The following OSBP variants were observed in gnomAD, a reference collection of about 807,000 sequenced individuals.
The protein encoded by OSBP is oxysterol-binding protein 1.
A neutral mutation model predicts 96.6 loss-of-function variants in OSBP; 32 were observed. The ratio of observed to expected loss-of-function variants is 0.33; its 90% CI spans 0.25 to 0.45. OSBP has a LOEUF of 0.45. Among genes scored for constraint, OSBP ranks in the 20% least tolerant of loss-of-function variants. The pLI, the probability that OSBP is intolerant of heterozygous loss-of-function variation, is 1.00. For synonymous variants in OSBP, 369 were observed against 389.6 expected (o/e 0.95, Z 0.62); for missense variants, 653 against 1,029.7 (o/e 0.63, Z 5.01).
chr11:59,590,893 C>T (rs567370861), intron 9 of OSBP, among the ~76,000 whole-genome samples: 114 of 152,346 alleles, frequency 7.5e-4, no homozygotes, highest in South Asian at 1.7e-3. Context: ...AAATTCCATT[C>T]TTTAGATTTC....
chr11:59,581,592 TC>T (rs773775717), intron 9 of OSBP, 38 bp from the exon 10 acceptor site: 18 of 1,179,662 alleles, frequency 1.5e-5, no homozygotes, highest in Non-Finnish European at 2.5e-6. Flanking sequence ...AAGCCAAATG[TC>T]AGAAAAATAG....
chr11:59,611,207 A>T (rs760566858), intron 1 of OSBP, among the ~76,000 whole-genome samples: 17 of 152,154 alleles, frequency 1.1e-4, no homozygotes, highest in Non-Finnish European at 2.4e-4. Flanking sequence ...ACTACATGCA[A>T]TGTTAATTTA....
At chr11:59,593,547 G>A (rs1442110259) in intron 9 of OSBP, 57 bp downstream of exon 9, 36 of 1,600,268 alleles carry the variant, frequency 2.2e-5, no homozygotes, top group East Asian at 4.5e-5. Context: ...CTCCTCCATC[G>A]TGCCAGAAAA....
rs938867560 is a variant in OSBP at position 59,575,099 on chromosome 11, C to A, written c.*1478G>T. 1 of 152,240 alleles carries A rather than the reference C, an allele frequency of 6.6e-6. No homozygotes were observed. Among genetic ancestry groups the A allele is most frequent in the Non-Finnish European group, 1.5e-5 (1 of 68,098 alleles). 9.4% of individuals were successfully genotyped at this position (152,240 alleles called of 1,614,324 possible). A position where few individuals can be genotyped will look rare whatever the true frequency, so the allele number is the denominator to read the frequency against. On this transcript the variant is annotated 3_prime_UTR_variant, in exon 14 of 14. Coordinates refer to ENST00000263847, the MANE Select transcript of OSBP (RefSeq NM_002556.3). Reference sequence around the variant, plus strand: ...CAATTATCTGATCCACCCCACATGACGGTGCTTTAAGCCCCACATCCTAGG... The same window carrying A: ...CAATTATCTGATCCACCCCACATGAAGGTGCTTTAAGCCCCACATCCTAGG...
rs764637254 is a variant in OSBP, at chr11:59,580,263, C to T, written c.1789G>A (p.Glu597Lys). Residue 597 changes from glutamate to lysine, a missense_variant, in exon 11 of 14, where the codon GAA (glutamate) becomes AAA (lysine). Physicochemically the swap from Glu to Lys is moderately conservative, Grantham distance 56. This residue lies in a region of OSBP where 6 missense variants were observed against 26.5 expected (regional missense o/e 0.23). Coordinates refer to ENST00000263847, the MANE Select transcript of OSBP (RefSeq NM_002556.3). ...VGKLWIDQSG[E>K]IDIVNHKTGD... ...GTCTTGTGATTCACAATATCAATTT[C>T]GCCAGACTGTAAAATGAAAAAATTC... 5.0e-5 allele frequency: 80 copies of T among 1,608,808 alleles called. No individual in the cohort carries two copies. The highest frequency in any genetic ancestry group is 6.1e-5 in the Non-Finnish European group (72 of 1,175,576).
chr11:59,600,412 T>G (rs1262560731), intron 7 of OSBP, 84 bp downstream of exon 7: 24 of 1,401,484 alleles, frequency 1.7e-5, no homozygotes, highest in Non-Finnish European at 2.2e-5. Context: ...GCCGCACAAG[T>G]GGGTGGGGCT....
intron 7 of OSBP, among the ~76,000 whole-genome samples, chr11:59,596,034 A>C (rs1057100334): frequency 2.0e-5 from 3 of 152,002 alleles, no homozygotes; most frequent in African/African-American, 7.3e-5. Flanking sequence ...TCTCTGAGAA[A>C]TATCCCAAAT....
chr11:59,605,547 A>C (rs930992214), intron 3 of OSBP, among the ~76,000 whole-genome samples: 1 of 151,842 alleles, frequency 6.6e-6, no homozygotes, highest in African/African-American at 2.4e-5. Context: ...ATGTCTGGCT[A>C]ATTTTTTTAT....
intron 9 of OSBP, among the ~76,000 whole-genome samples, chr11:59,581,925 C>T (rs146277051): frequency 5.7e-4 from 87 of 152,292 alleles, no homozygotes; most frequent in African/African-American, 1.9e-3. Flanking sequence ...TAGTCTGTAC[C>T]GGGACCAGGC....
chr11:59,577,813 T>C (rs911808562), intron 12 of OSBP, among the ~76,000 whole-genome samples: 3 of 152,182 alleles, frequency 2.0e-5, no homozygotes, highest in Admixed American at 6.5e-5. Context: ...TTAGGCTAAA[T>C]TGTTAACAGG....
intron 3 of OSBP, among the ~76,000 whole-genome samples, chr11:59,608,221 G>C (rs1485497966): frequency 2.0e-5 from 3 of 152,152 alleles, no homozygotes; most frequent in Non-Finnish European, 4.4e-5. Context: ...AGTGGTTGCA[G>C]AGCAGTCAGT....
intron 2 of OSBP, 138 bp downstream of exon 2, chr11:59,610,243 A>G (rs1036908010): frequency 1.4e-6 from 1 of 738,666 alleles, no homozygotes; most frequent in African/African-American, 1.7e-5. Context: ...CAGCAGAAAT[A>G]CTGCATGAAG....
chr11:59,585,454 G>A (rs1030207772), intron 9 of OSBP, among the ~76,000 whole-genome samples: 13 of 151,902 alleles, frequency 8.6e-5, no homozygotes, highest in Admixed American at 7.2e-4. Flanking sequence ...CCCCGTCTGA[G>A]AAGTGAGGAG....
intron 3 of OSBP, among the ~76,000 whole-genome samples, chr11:59,602,387 G>A (rs1334320585): frequency 1.3e-5 from 2 of 152,170 alleles, no homozygotes; most frequent in East Asian, 3.8e-4. Context: ...TGTGCAGGAA[G>A]AAGGTTTAAA....
In OSBP at chr11:59,601,234, T is replaced by C. The variant is rs767111981; in HGVS notation, c.1124+49A>G. 3.4e-5 allele frequency: 35 copies of C among 1,018,046 alleles called. No homozygotes were observed. The South Asian group carries it at 3.9e-4, about 11-fold the overall frequency. 63.1% of individuals were successfully genotyped at this position (1,018,046 alleles called of 1,614,324 possible). Reference sequence around the variant, plus strand: ...AATATGATGCTAAAATACCACCATATTGATGGTGAAGATATGTTTATTTGC... The same window carrying C: ...AATATGATGCTAAAATACCACCATACTGATGGTGAAGATATGTTTATTTGC... On this transcript the variant is annotated intron_variant, in intron 5 of 13. Coordinates refer to ENST00000263847, the MANE Select transcript of OSBP (RefSeq NM_002556.3).
Position 59,601,844 on chromosome 11 carries a change from T to C in OSBP, c.823-6A>G, listed in dbSNP as rs201955014. The C allele has an allele frequency of 9.9e-6, 16 of 1,613,608 alleles. No homozygotes were observed. The highest frequency in any genetic ancestry group is 2.7e-5 in the African/African-American group (2 of 74,896). On this transcript the variant is annotated splice_region_variant and splice_polypyrimidine_tract_variant and intron_variant, in intron 3 of 13. Transcript: ENST00000263847. ...ATGAGGAAATCTCTGCAGGCCTGTA[T>C]GGAGAAAGCGTTGACTGTGTCAGCT...
chr11:59,614,825 G>T (rs1860901234), intron 1 of OSBP, among the ~76,000 whole-genome samples: 1 of 152,204 alleles, frequency 6.6e-6, no homozygotes, highest in African/African-American at 2.4e-5. Context: ...AGCAAGGACG[G>T]GTACATCCAG....
chr11:59,588,895 C>T (rs1399344454), intron 9 of OSBP, among the ~76,000 whole-genome samples: 1 of 151,986 alleles, frequency 6.6e-6, no homozygotes, highest in African/African-American at 2.4e-5. Context: ...GTCCCAGCTA[C>T]TCAGGAAGCT....
chr11:59,605,882 C>T (rs1206079275), intron 3 of OSBP, among the ~76,000 whole-genome samples: 1 of 152,128 alleles, frequency 6.6e-6, no homozygotes, highest in African/African-American at 2.4e-5. Context: ...AAGTTATACA[C>T]ATAGGTCATA....
Sources: gnomAD v4.1 joint callset for allele counts (sites outside exome capture counted in the v4.1 genomes callset) on GRCh38, gnomAD v4.1.1 for gene constraint, gnomAD v4.1.1 regional missense constraint, MANE v1.5 for transcripts, NCBI Gene and HGNC (gene_info 2026-07-23, HGNC 2026-07-21) for gene names.